Variants in RTN4 observed in about 807,000 individuals in gnomAD.
RTN4 encodes the protein reticulon 4.
RTN4 carries 32 observed loss-of-function variants against 90.4 expected under a neutral mutation model. The observed-to-expected ratio is 0.35, with a 90% CI of 0.27 to 0.48. The LOEUF is 0.48. Ranked by LOEUF, RTN4 falls within the 20% of genes least tolerant of loss-of-function variation. The pLI, the probability that RTN4 is intolerant of heterozygous loss-of-function variation, is 0.99. For missense variants in RTN4, 1,706 were observed against 1,430.2 expected, an observed-to-expected ratio of 1.19 and a Z score of -3.11; for synonymous variants, 629 against 552.5, an observed-to-expected ratio of 1.14 and a Z score of -1.94.
intron 2 of RTN4, among the ~76,000 whole-genome samples, chr2:55,077,758 C>T (rs941900018): frequency 3.4e-4 from 14 of 41,682 alleles, no homozygotes; most frequent in Non-Finnish European, 6.9e-4. Context: ...ATGTTTTATA[C>T]ACACACACAC....
intron 7 of RTN4, 73 bp downstream of exon 7, chr2:54,973,748 C>CTAAT: frequency 6.5e-7 from 1 of 1,527,172 alleles, no homozygotes; most frequent in Non-Finnish European, 9.1e-7. Flanking sequence ...AAAATGGGCA[C>CTAAT]TAATACATCC....
rs1217686199 is a variant in RTN4 at position 55,026,000 on chromosome 2, T to G, written c.2099A>C (p.Asp700Ala). The G allele has an allele frequency of 6.2e-7, 1 of 1,612,818 alleles. No homozygotes were observed. The highest frequency in any genetic ancestry group is 8.5e-7 in the Non-Finnish European group (1 of 1,179,760). Residue 700 changes from aspartate (D) to alanine (A), a missense_variant, in exon 3 of 9, where the codon GAT becomes GCT. Coordinates refer to ENST00000337526, the MANE Select transcript of RTN4 (RefSeq NM_020532.5). ...AGAAAGCTTTGTTTCTTTAATTAAA[T>G]CACATGCAATAGATATATAAGGAGC... ...TEAPYISIAC[D>A]LIKETKLSAE...
At chr2:54,973,459 C>CTGAT (rs541888009) in intron 8 of RTN4, 104 bp downstream of exon 8, 99 of 926,196 alleles carry the variant, frequency 1.1e-4, no homozygotes, top group South Asian at 2.6e-4. Context: ...CACTTAAGGT[C>CTGAT]TGATAGAGAT....
chr2:55,071,585 T>C (rs914708490), intron 2 of RTN4, among the ~76,000 whole-genome samples: 11 of 147,948 alleles, frequency 7.4e-5, no homozygotes, highest in African/African-American at 2.5e-4. Flanking sequence ...TTACTTCTGC[T>C]AATGCAGAGA....
chr2:55,132,514 A>AC, the RTN4 span, among the ~76,000 whole-genome samples: 1 of 139,900 alleles, frequency 7.1e-6, no homozygotes, highest in Non-Finnish European at 1.6e-5. Context: ...AAAAAAAAAA[A>AC]ACCTTTTAAA....
chr2:54,986,111 C>T (rs921224523), intron 4 of RTN4, among the ~76,000 whole-genome samples: 1 of 151,954 alleles, frequency 6.6e-6, no homozygotes, highest in African/African-American at 2.4e-5. Context: ...AACATGGGTA[C>T]AAAACTCTGG....
intron 5 of RTN4, among the ~76,000 whole-genome samples, chr2:54,979,432 A>C (rs925536216): frequency 2.5e-4 from 38 of 152,236 alleles, no homozygotes; most frequent in African/African-American, 8.7e-4. Flanking sequence ...CCATACACAG[A>C]AGTCTCTCTA....
At position 55,010,144 on chromosome 2, in the gene RTN4, G is replaced by A. The variant is rs763512018; in HGVS notation, c.3013+14942C>T. The A allele has an allele frequency of 3.7e-6, 6 of 1,613,068 alleles. 1 individual carries two copies. Among genetic ancestry groups the A allele is most frequent in the Middle Eastern group, 3.3e-4 (2 of 6,058 alleles). ...ATCTCTTGTCACGATCTGCTTTGCA[G>A]CTCCAATTATTAATTATGCATACCA... On this transcript the variant is annotated intron_variant, in intron 3 of 8. Transcript: ENST00000337526.
rs372387099 is a variant in RTN4, at chr2:55,073,974, G to T, written c.-63+6515C>A. On this transcript the variant is annotated intron_variant, in intron 2 of 3. Transcript: ENST00000427710. ...GTTTCGTTGCAAGGTGGCATTCACT[G>T]TGAGGTTAAGCCAGAGTCACAGCAT... Among the ~76,000 whole-genome samples the T allele has an allele frequency of 3.9e-5, 6 of 152,314 alleles. No homozygotes were observed. The East Asian group carries it at 7.7e-4, about 20-fold the overall frequency.
the RTN4 span, among the ~76,000 whole-genome samples, chr2:55,132,274 G>A: frequency 2.6e-5 from 4 of 152,090 alleles, no homozygotes; most frequent in South Asian, 2.1e-4. Context: ...AGGCTGAGGC[G>A]GGCGAATCAC....
rs1682728287 is a variant in RTN4, at chr2:55,036,876, C to T, written c.557-8656G>A. 2.6e-5 allele frequency among the ~76,000 whole-genome samples: 4 copies of T among 152,220 alleles called. No individual in the cohort carries two copies. In the South Asian group the frequency reaches 8.3e-4, roughly 32 times the overall value. Reference sequence around the variant, plus strand: ...TAAAGGTGAAAGACTAATGCATTCACTCAAGATTCTGTGTTAAACAAGCAA... The same window carrying T: ...TAAAGGTGAAAGACTAATGCATTCATTCAAGATTCTGTGTTAAACAAGCAA... On this transcript the variant is annotated intron_variant, in intron 1 of 8. Coordinates refer to ENST00000337526, the MANE Select transcript of RTN4 (RefSeq NM_020532.5).
intron 1 of RTN4, among the ~76,000 whole-genome samples, chr2:55,031,912 C>G (rs1398780736): frequency 6.6e-6 from 1 of 152,132 alleles, no homozygotes; most frequent in Non-Finnish European, 1.5e-5. Flanking sequence ...TTGAAAGGAT[C>G]AAAATGATTT....
At chr2:54,977,306 T>C (rs1026174117) in intron 5 of RTN4, among the ~76,000 whole-genome samples, 1 of 152,152 alleles carries the variant, frequency 6.6e-6, no homozygotes, top group Non-Finnish European at 1.5e-5. Flanking sequence ...TCAAGAAACC[T>C]GAAAGGAAGC....
At chr2:55,028,919 A>G (rs1682103299) in intron 1 of RTN4, among the ~76,000 whole-genome samples, 1 of 152,182 alleles carries the variant, frequency 6.6e-6, no homozygotes, top group Non-Finnish European at 1.5e-5. Flanking sequence ...TCAATTCCAG[A>G]GCCCATTTCC....
chr2:55,121,949 G>A, the RTN4 span, among the ~76,000 whole-genome samples: 137 of 151,952 alleles, frequency 9.0e-4, no homozygotes, highest in Admixed American at 2.0e-3. Context: ...AATTTTAGCC[G>A]TATTTCTGCT....
intron 1 of RTN4, among the ~76,000 whole-genome samples, chr2:55,028,524 C>G (rs1257628480): frequency 2.0e-5 from 3 of 152,172 alleles, no homozygotes; most frequent in Non-Finnish European, 4.4e-5. Flanking sequence ...TTCTACTTAA[C>G]ATATCACATC....
chr2:55,009,965 A>T, intron 3 of RTN4: 1 of 1,086,676 alleles, frequency 9.2e-7, no homozygotes, highest in Non-Finnish European at 1.3e-6. Flanking sequence ...TTAATCCTTT[A>T]GACTTCAACT....
chr2:55,095,427 T>A (rs1278227780), intron 1 of RTN4, among the ~76,000 whole-genome samples: 1 of 152,224 alleles, frequency 6.6e-6, no homozygotes. Flanking sequence ...AAAATTAACA[T>A]CTTATATTTG....
At chr2:55,106,858 T>A (rs1374869061) in intron 1 of RTN4, among the ~76,000 whole-genome samples, 1 of 152,188 alleles carries the variant, frequency 6.6e-6, no homozygotes, top group Non-Finnish European at 1.5e-5. Context: ...TTTGTAAGCC[T>A]AAAAGTGATT....
Sources: gnomAD v4.1 joint callset for allele counts (sites outside exome capture counted in the v4.1 genomes callset) on GRCh38, gnomAD v4.1.1 for gene constraint, MANE v1.5 for transcripts, NCBI Gene and HGNC (gene_info 2026-07-23, HGNC 2026-07-21) for gene names.